TSPAN12: variants seen among roughly 807,000 people sequenced by gnomAD.
The protein encoded by TSPAN12 is tetraspanin-12.
TSPAN12 carries 19 observed loss-of-function variants against 39.2 expected under a neutral mutation model. The ratio of observed to expected loss-of-function variants is 0.49; its 90% CI spans 0.34 to 0.71. The LOEUF (loss-of-function observed/expected upper bound fraction) is 0.71, where lower values mean the gene tolerates loss of function less well. Among genes scored for constraint, TSPAN12 ranks in the 30% least tolerant of loss-of-function variants. The pLI is 0.01. For synonymous variants in TSPAN12, 119 were observed against 124.8 expected (o/e 0.95, Z 0.31); for missense variants, 314 against 359.9 (o/e 0.87, Z 1.03).
Position 120,792,092 on chromosome 7 carries a change from A to G in TSPAN12, c.613-3195T>C, listed in dbSNP as rs145617006. Among the ~76,000 whole-genome samples the G allele has an allele frequency of 1.3e-3, 203 of 152,314 alleles. 2 individuals carry two copies. Among genetic ancestry groups the G allele is most frequent in the African/African-American group, 4.7e-3 (194 of 41,564 alleles). On this transcript the variant is annotated intron_variant, in intron 7 of 7. Coordinates refer to ENST00000222747, the MANE Select transcript of TSPAN12 (RefSeq NM_012338.4). Reference sequence around the variant, plus strand: ...AGCTGCTGAATCTCTTAGGAACAGCAAGTGCTATGGAATTATCATTTGCCC... The same window carrying G: ...AGCTGCTGAATCTCTTAGGAACAGCGAGTGCTATGGAATTATCATTTGCCC...
chr7:120,839,021 G>T, intron 3 of TSPAN12, 109 bp from the exon 4 acceptor site: 1 of 1,104,892 alleles, frequency 9.1e-7, no homozygotes, highest in Non-Finnish European at 1.4e-6. Flanking sequence ...CAATCATGAT[G>T]CCTCAAAACT....
intron 4 of TSPAN12, among the ~76,000 whole-genome samples, chr7:120,831,885 C>T (rs1366397000): frequency 2.6e-5 from 4 of 151,720 alleles, no homozygotes; most frequent in Non-Finnish European, 4.4e-5. Flanking sequence ...AGAATCCCAC[C>T]GTGTATACAT....
intron 4 of TSPAN12, among the ~76,000 whole-genome samples, chr7:120,836,072 A>G (rs751106510): frequency 6.6e-6 from 1 of 152,226 alleles, no homozygotes; most frequent in Non-Finnish European, 1.5e-5. Flanking sequence ...GAAGTTAGGA[A>G]AGCCTGAACT....
chr7:120,833,537 C>A lies in TSPAN12; in HGVS notation c.285+5240G>T, dbSNP rs140847658. On this transcript the variant is annotated intron_variant, in intron 4 of 7. Transcript: ENST00000222747. ...AAAGAAAGTTTTAAAAGTGCAAGCA[C>A]ACAATCAATAGTTATATTCAAAGTC... is the stretch of plus-strand genomic sequence containing the variant. 3.9e-3 allele frequency among the ~76,000 whole-genome samples: 594 copies of A among 152,084 alleles called. 5 individuals carry two copies. Among genetic ancestry groups the A allele is most frequent in the African/African-American group, 0.013 (560 of 41,526 alleles).
At chr7:120,794,391 G>A (rs1432544921) in intron 7 of TSPAN12, among the ~76,000 whole-genome samples, 1 of 152,158 alleles carries the variant, frequency 6.6e-6, no homozygotes, top group Admixed American at 6.5e-5. Context: ...TTTAGATCAT[G>A]GGGGTAGTTT....
chr7:120,844,436 T>C (rs1013632201), intron 2 of TSPAN12, among the ~76,000 whole-genome samples: 3 of 152,202 alleles, frequency 2.0e-5, no homozygotes, highest in Non-Finnish European at 4.4e-5. Context: ...TCAAGTCCCT[T>C]CTGCCTATGA....
At chr7:120,812,886 A>C (rs1473878121) in intron 5 of TSPAN12, among the ~76,000 whole-genome samples, 3 of 151,892 alleles carry the variant, frequency 2.0e-5, no homozygotes, top group African/African-American at 7.2e-5. Context: ...TGAGCAGTAC[A>C]AAAAAAACCA....
chr7:120,838,106 T>C (rs925333096), intron 4 of TSPAN12, among the ~76,000 whole-genome samples: 1 of 152,242 alleles, frequency 6.6e-6, no homozygotes, highest in Admixed American at 6.5e-5. Context: ...TCTCATTACC[T>C]GGTGCCACTA....
chr7:120,841,970 T>C (rs1170811078), intron 2 of TSPAN12, among the ~76,000 whole-genome samples: 1 of 152,244 alleles, frequency 6.6e-6, no homozygotes, highest in East Asian at 1.9e-4. Flanking sequence ...ATGTCTTTCC[T>C]ATTTTGATGG....
intron 7 of TSPAN12, among the ~76,000 whole-genome samples, chr7:120,797,553 C>T (rs41626): frequency 0.77 from 116,693 of 152,152 alleles, 45,049 homozygotes; most frequent in East Asian, 0.95. Flanking sequence ...CTGAGTTCTG[C>T]CTCCGAAGCT....
chr7:120,805,848 G>A (rs899474664), intron 7 of TSPAN12, among the ~76,000 whole-genome samples: 10 of 152,204 alleles, frequency 6.6e-5, no homozygotes, highest in African/African-American at 2.2e-4. Context: ...GTAGAGGACA[G>A]TGCAGTCTTA....
intron 7 of TSPAN12, among the ~76,000 whole-genome samples, chr7:120,797,753 C>T (rs907964666): frequency 6.6e-6 from 1 of 152,210 alleles, no homozygotes; most frequent in African/African-American, 2.4e-5. Flanking sequence ...ATTTATAACC[C>T]AGTCCTGTTC....
intron 5 of TSPAN12, chr7:120,814,324 A>G: frequency 2.2e-6 from 1 of 453,508 alleles, no homozygotes; most frequent in Non-Finnish European, 4.4e-6. Context: ...GCACCAGGGA[A>G]CTTGTCACAG....
intron 7 of TSPAN12, among the ~76,000 whole-genome samples, chr7:120,805,288 T>C (rs1310312835): frequency 1.3e-5 from 2 of 152,124 alleles, no homozygotes; most frequent in African/African-American, 2.4e-5. Context: ...ATTCTTTTAA[T>C]TAATTACAAC....
intron 4 of TSPAN12, among the ~76,000 whole-genome samples, chr7:120,822,152 T>C (rs184769217): frequency 1.7e-4 from 26 of 152,224 alleles, no homozygotes; most frequent in African/African-American, 6.0e-4. Context: ...CACCTTCCTA[T>C]TTAAGCCCTT....
intron 4 of TSPAN12, among the ~76,000 whole-genome samples, chr7:120,834,857 A>AT: frequency 6.6e-6 from 1 of 152,244 alleles, no homozygotes; most frequent in Non-Finnish European, 1.5e-5. Flanking sequence ...TACTTTGCAA[A>AT]TATTTGCCCA....
At chr7:120,799,589 AATATAATTATATATAATTATAT>A (rs1562938293) in intron 7 of TSPAN12, among the ~76,000 whole-genome samples, 2 of 107,584 alleles carry the variant, frequency 1.9e-5, no homozygotes, top group East Asian at 2.3e-4. Context: ...TATATGTAAT[AATATAATTATATATAATTATAT>A]ATATAATTAA....
chr7:120,844,634 G>A (rs2116484117), intron 2 of TSPAN12, among the ~76,000 whole-genome samples: 1 of 152,330 alleles, frequency 6.6e-6, no homozygotes, highest in Middle Eastern at 3.4e-3. Flanking sequence ...TTAACGCCAT[G>A]TCTCACATCC....
intron 2 of TSPAN12, among the ~76,000 whole-genome samples, chr7:120,840,962 C>A (rs1794568354): frequency 6.6e-6 from 1 of 152,130 alleles, no homozygotes; most frequent in Non-Finnish European, 1.5e-5. Flanking sequence ...TCATTTAAGG[C>A]TCAAAAAAAT....
Sources: gnomAD v4.1 joint callset for allele counts (sites outside exome capture counted in the v4.1 genomes callset) on GRCh38, gnomAD v4.1.1 for gene constraint, MANE v1.5 for transcripts, NCBI Gene and HGNC (gene_info 2026-07-23, HGNC 2026-07-21) for gene names.